The following SLC6A9 variants were observed in gnomAD, a reference collection of about 807,000 sequenced individuals.
SLC6A9 encodes solute carrier family 6 member 9.
In SLC6A9, 31 loss-of-function variants were observed where a neutral mutation model predicts 70.9. The ratio of observed to expected loss-of-function variants is 0.44; its 90% CI spans 0.33 to 0.59. The LOEUF (loss-of-function observed/expected upper bound fraction) is 0.59. SLC6A9 is among the 20% of genes least tolerant of loss of function. The pLI, the probability that SLC6A9 is intolerant of heterozygous loss-of-function variation, is 0.04. For missense variants in SLC6A9, 631 were observed against 845.2 expected, an observed-to-expected ratio of 0.75 and a Z score of 3.14; for synonymous variants, 310 against 341.3, an observed-to-expected ratio of 0.91 and a Z score of 1.01.
chr1:44,025,757 G>A (rs942525238), intron 1 of SLC6A9, among the ~76,000 whole-genome samples: 33 of 151,076 alleles, frequency 2.2e-4, no homozygotes, highest in Non-Finnish European at 4.0e-4. Context: ...CCGAGATTGC[G>A]CGACTGCACT....
chr1:44,010,981 A>T, intron 2 of SLC6A9, 99 bp from the exon 3 acceptor site: 1 of 1,286,884 alleles, frequency 7.8e-7, no homozygotes. Flanking sequence ...CCCCTCCAAC[A>T]CCCCTCCCCG....
At chr1:44,010,144 T>C (rs1370667396) in intron 3 of SLC6A9, 48 bp from the exon 4 acceptor site, 4 of 1,607,110 alleles carry the variant, frequency 2.5e-6, no homozygotes, top group African/African-American at 1.3e-5. Flanking sequence ...TGGAGGGATC[T>C]CACCCTGGGC....
intron 10 of SLC6A9, 34 bp downstream of exon 10, chr1:44,001,130 C>T: frequency 3.7e-6 from 6 of 1,614,104 alleles, no homozygotes; most frequent in Non-Finnish European, 5.1e-6. Flanking sequence ...GTCCTGGCAA[C>T]TCTGGGCCAG....
rs1024239478 is a variant in SLC6A9 at position 44,013,690 on chromosome 1, C to T, written c.31-2808G>A. 6.6e-6 allele frequency among the ~76,000 whole-genome samples: 1 copy of T among 152,118 alleles called. No individual in the cohort carries two copies. The highest frequency in any genetic ancestry group is 2.1e-4 in the South Asian group (1 of 4,834). ...TCCAGGGCTGTCTACGCTCAGGTGG[C>T]TTGGCTGGGGAGGGCTGAGCTCTCA... On this transcript the variant is annotated intron_variant, in intron 2 of 13. Transcript: ENST00000372310. This position sits in a 1 kb window ranked among gnomAD's most constrained non-coding sequence, Gnocchi z 5.3.
chr1:44,001,906 A>C (rs2086124517), intron 8 of SLC6A9, among the ~76,000 whole-genome samples: 1 of 151,944 alleles, frequency 6.6e-6, no homozygotes, highest in Non-Finnish European at 1.5e-5. Context: ...TTTCTTTTTT[A>C]TGTTTTATAA....
chr1:44,024,399 C>A, intron 1 of SLC6A9, 37 bp from the exon 2 acceptor site: 2 of 1,286,738 alleles, frequency 1.6e-6, no homozygotes, highest in South Asian at 1.2e-5. Context: ...AGGACTTGGC[C>A]GTGTGGCCCA....
intron 2 of SLC6A9, among the ~76,000 whole-genome samples, chr1:44,020,392 C>T (rs571693647): frequency 5.3e-5 from 8 of 152,246 alleles, no homozygotes; most frequent in East Asian, 1.9e-4. Context: ...GGGAGTACCC[C>T]GGGTATGTCG....
In SLC6A9 at chr1:44,001,425, A is replaced by G. The variant is rs373147280; in HGVS notation, c.1165T>C (p.Phe389Leu). Residue 389 changes from phenylalanine (F) to leucine (L), a missense_variant, in exon 9 of 14, where the codon TTC (phenylalanine) becomes CTC (leucine). Coordinates refer to ENST00000372310, the MANE Select transcript of SLC6A9 (RefSeq NM_001024845.3). ...AGCCCCAGCAGGATAAGCATGAAGAAGAAGAGCAGAGACCACAGCGGGGAG... is the reference window on the plus strand; with the variant it reads ...AGCCCCAGCAGGATAAGCATGAAGAGGAAGAGCAGAGACCACAGCGGGGAG... ...PISPLWSLLF[F>L]FMLILLGLGT... The G allele has an allele frequency of 6.2e-7, 1 of 1,613,694 alleles. No individual in the cohort carries two copies. The highest frequency in any genetic ancestry group is 8.5e-7 in the Non-Finnish European group (1 of 1,179,782).
rs958347853 is a variant in SLC6A9, at chr1:44,013,516, C to T, written c.31-2634G>A. On this transcript the variant is annotated intron_variant, in intron 2 of 13. Coordinates refer to ENST00000372310, the MANE Select transcript of SLC6A9 (RefSeq NM_001024845.3). This position sits in a 1 kb window ranked among gnomAD's most constrained non-coding sequence, Gnocchi z 5.3. ...GGCTGAACCGGGGTTGGCGACGGGG[C>T]TCTGGCAGGAAGTTTCTGACAACAC... is the stretch of plus-strand genomic sequence containing the variant. 4.6e-5 allele frequency among the ~76,000 whole-genome samples: 7 copies of T among 152,224 alleles called. No individual in the cohort carries two copies. Among genetic ancestry groups the T allele is most frequent in the Admixed American group, 6.5e-5 (1 of 15,286 alleles).
Position 44,001,394 on chromosome 1 carries a change from G to A in SLC6A9, c.1196C>T (p.Thr399Ile). The stretch of plus-strand genomic sequence containing the variant: ...TCCACGTCCTGCACCTCGTACCTGA[G>A]TGCCCAGCCCCAGCAGGATAAGCAT... ...FFMLILLGLG[T>I]QFCLLETLVT... Residue 399 changes from threonine to isoleucine, a missense_variant, in exon 9 of 14, where the codon ACT becomes ATT. By Grantham distance (89) the Thr-to-Ile change is moderately conservative. Coordinates refer to ENST00000372310, the MANE Select transcript of SLC6A9 (RefSeq NM_001024845.3). 6.2e-7 allele frequency: 1 copy of A among 1,612,504 alleles called. No individual in the cohort carries two copies. The highest frequency in any genetic ancestry group is 8.5e-7 in the Non-Finnish European group (1 of 1,178,812).
chr1:44,021,927 T>C (rs996360545), intron 2 of SLC6A9, among the ~76,000 whole-genome samples: 13 of 152,170 alleles, frequency 8.5e-5, no homozygotes, highest in Non-Finnish European at 1.6e-4. Flanking sequence ...TCCAAGGTCA[T>C]CAGCAGAACT....
At chr1:44,003,362 G>T (rs1256320733) in intron 5 of SLC6A9, among the ~76,000 whole-genome samples, 1 of 152,204 alleles carries the variant, frequency 6.6e-6, no homozygotes, top group Non-Finnish European at 1.5e-5. Flanking sequence ...TCCTCATTCT[G>T]TCAGGTGTCA....
At chr1:44,006,936 T>G (rs1038635662) in intron 5 of SLC6A9, among the ~76,000 whole-genome samples, 2 of 152,184 alleles carry the variant, frequency 1.3e-5, no homozygotes, top group Non-Finnish European at 2.9e-5. Context: ...CCCTTGTACA[T>G]TTCAGCCATG....
At chr1:44,003,128 G>C in intron 5 of SLC6A9, 143 bp from the exon 6 acceptor site, 2 of 990,068 alleles carry the variant, frequency 2.0e-6, no homozygotes, top group Non-Finnish European at 3.0e-6. Flanking sequence ...GCTACTTCAG[G>C]GGCCCAGCCC....
chr1:44,013,717 C>T lies in SLC6A9; in HGVS notation c.31-2835G>A, dbSNP rs1467211188. On this transcript the variant is annotated intron_variant, in intron 2 of 13. Coordinates refer to ENST00000372310, the MANE Select transcript of SLC6A9 (RefSeq NM_001024845.3). The surrounding 1 kb of genome is among the most constrained non-coding windows in gnomAD (Gnocchi z 5.3). ...TGGCTGGGGAGGGCTGAGCTCTCAG[C>T]GGACGACAGAGCAGGCCTACCTTTC... Among the ~76,000 whole-genome samples the T allele has an allele frequency of 7.2e-5, 11 of 152,154 alleles. No homozygotes were observed. The highest frequency in any genetic ancestry group is 1.7e-4 in the African/African-American group (7 of 41,478).
At position 44,017,128 on chromosome 1, in the gene SLC6A9, G is replaced by T. The variant is rs757110561; in HGVS notation, c.31-6246C>A. ...CGATCGCAGCCCGCGTGTCTCCGCC[G>T]CTCATTCACACCTCTGCCAGCTCCA... On this transcript the variant is annotated intron_variant, in intron 2 of 13. Transcript: ENST00000372310. 3.7e-6 allele frequency: 6 copies of T among 1,606,572 alleles called. No individual in the cohort carries two copies. The African/African-American group carries it at 4.0e-5, about 11-fold the overall frequency.
chr1:44,029,936 C>T (rs1412296646), intron 1 of SLC6A9, among the ~76,000 whole-genome samples: 1 of 152,212 alleles, frequency 6.6e-6, no homozygotes, highest in African/African-American at 2.4e-5. Flanking sequence ...CCACTCCTCG[C>T]CCTGCAGCCT....
At chr1:44,011,465 G>T in intron 2 of SLC6A9, 1 of 1,019,174 alleles carries the variant, frequency 9.8e-7, no homozygotes, top group Non-Finnish European at 1.5e-6. Flanking sequence ...GCTGAGCCGG[G>T]ACAGACATGG....
At chr1:44,011,410 C>T (rs2086563536) in intron 2 of SLC6A9, 1 of 689,236 alleles carries the variant, frequency 1.5e-6, no homozygotes, top group Non-Finnish European at 2.5e-6. Flanking sequence ...AAGGCTTCTT[C>T]CTGGGGGCAC....
Sources: allele counts gnomAD v4.1 joint callset (sites outside exome capture counted in the v4.1 genomes callset), GRCh38; gene constraint gnomAD v4.1.1; non-coding constraint Gnocchi (gnomAD v3.1); transcripts MANE v1.5; gene names NCBI Gene and HGNC (gene_info 2026-07-23, HGNC 2026-07-21).